KCNK3: variants seen among roughly 807,000 people sequenced by gnomAD.
KCNK3 encodes potassium channel subfamily K member 3.
A neutral mutation model predicts 27.3 loss-of-function variants in KCNK3; 9 were observed. That is an observed-to-expected ratio of 0.33 (90% CI 0.20 to 0.57). The LOEUF (loss-of-function observed/expected upper bound fraction) is 0.57, where lower values mean the gene tolerates loss of function less well. KCNK3 is among the 20% of genes least tolerant of loss of function. KCNK3 has a pLI of 0.87. For missense variants in KCNK3, 391 were observed against 577.7 expected, an observed-to-expected ratio of 0.68 and a Z score of 3.31; for synonymous variants, 278 against 273.8, an observed-to-expected ratio of 1.02 and a Z score of -0.15.
intron 1 of KCNK3, among the ~76,000 whole-genome samples, chr2:26,704,469 G>T (rs950272550): frequency 1.3e-5 from 2 of 152,194 alleles, no homozygotes; most frequent in African/African-American, 4.8e-5. Flanking sequence ...CCCTCATCAG[G>T]AATGCACAGG....
In KCNK3 at chr2:26,693,714, A is replaced by T. The variant is rs1425337867; in HGVS notation, c.283+556A>T. Among the ~76,000 whole-genome samples the T allele has an allele frequency of 6.6e-6, 1 of 152,182 alleles. No homozygotes were observed. The highest frequency in any genetic ancestry group is 2.4e-5 in the African/African-American group (1 of 41,442). The stretch of plus-strand genomic sequence containing the variant: ...CAGCTCCAGGAGTTTGGTCGCCACC[A>T]GTCAGTGCCTGTGATTTTCTCAGAG... On this transcript the variant is annotated intron_variant, in intron 1 of 1. Coordinates refer to ENST00000302909, the MANE Select transcript of KCNK3 (RefSeq NM_002246.3). This position sits in a 1 kb window ranked among gnomAD's most constrained non-coding sequence, Gnocchi z 5.5.
At chr2:26,716,043 G>A (rs1663224791) in intron 1 of KCNK3, among the ~76,000 whole-genome samples, 1 of 152,202 alleles carries the variant, frequency 6.6e-6, no homozygotes, top group Non-Finnish European at 1.5e-5. Context: ...AAGCGCTCGA[G>A]GCCCAGAGAG....
chr2:26,693,468 G>A lies in KCNK3; in HGVS notation c.283+310G>A, dbSNP rs528619264. ...GGGCAGGGACGACCGGCGGAGGCTCGGGCAGGAGGGGTGTGGCCGGGCCAG... is the reference window on the plus strand; with the variant it reads ...GGGCAGGGACGACCGGCGGAGGCTCAGGCAGGAGGGGTGTGGCCGGGCCAG... On this transcript the variant is annotated intron_variant, in intron 1 of 1. Coordinates refer to ENST00000302909, the MANE Select transcript of KCNK3 (RefSeq NM_002246.3). The surrounding 1 kb of genome is among the most constrained non-coding windows in gnomAD (Gnocchi z 5.5). Among the ~76,000 whole-genome samples, 26 of 152,348 alleles carry A rather than the reference G, an allele frequency of 1.7e-4. No homozygotes were observed. The East Asian group carries it at 4.8e-3, about 28-fold the overall frequency.
chr2:26,698,817 T>C (rs1670266956), intron 1 of KCNK3, among the ~76,000 whole-genome samples: 1 of 152,110 alleles, frequency 6.6e-6, no homozygotes. Flanking sequence ...AGCAAGGGGC[T>C]GGGCGTGGTG....
In KCNK3 at chr2:26,721,442, C is replaced by T. The variant is rs536904865; in HGVS notation, c.284-6225C>T. ...CTGGGCACAGAAGCTAGGCTCCTTC[C>T]GCCTCATCTCCTTTAACATGCCAAT... On this transcript the variant is annotated intron_variant, in intron 1 of 1. Coordinates refer to ENST00000302909, the MANE Select transcript of KCNK3 (RefSeq NM_002246.3). The surrounding 1 kb of genome is among the most constrained non-coding windows in gnomAD (Gnocchi z 4.3). Among the ~76,000 whole-genome samples, 13 of 152,252 alleles carry T rather than the reference C, an allele frequency of 8.5e-5. No homozygotes were observed. Among genetic ancestry groups the T allele is most frequent in the Admixed American group, 6.5e-4 (10 of 15,294 alleles).
chr2:26,706,326 T>G (rs915164278), intron 1 of KCNK3, among the ~76,000 whole-genome samples: 1 of 152,070 alleles, frequency 6.6e-6, no homozygotes, highest in Non-Finnish European at 1.5e-5. Context: ...AGGGCCTCAG[T>G]AGGGGTCCTG....
In KCNK3 at chr2:26,730,202, T is replaced by G. The variant is rs1341678413; in HGVS notation, c.*1634T>G. ...ATCTGGGGCTCTAGGAATTTGGGAA[T>G]TGGGCAGAGTGGCCAAGAAAGCTGG... On this transcript the variant is annotated 3_prime_UTR_variant, in exon 2 of 2. Transcript: ENST00000302909. The G allele has an allele frequency of 6.6e-6, 1 of 152,408 alleles. No homozygotes were observed. Among genetic ancestry groups the G allele is most frequent in the African/African-American group, 2.4e-5 (1 of 41,444 alleles). The allele number at this position is 152,408 out of a possible 1,614,324, so 9.4% of individuals were successfully genotyped here.
chr2:26,724,701 G>T, intron 1 of KCNK3: 1 of 759,128 alleles, frequency 1.3e-6, no homozygotes, highest in Non-Finnish European at 1.6e-6. Context: ...ATGAGGTGCT[G>T]CCTGGGATAA....
At chr2:26,725,286 C>T (rs10865438) in intron 1 of KCNK3, among the ~76,000 whole-genome samples, 3,994 of 152,268 alleles carry the variant, frequency 0.026, 76 homozygotes, top group Non-Finnish European at 0.04. Context: ...AGAGCTCTAA[C>T]GCCCAGTCTC....
rs1334466981 is a variant in KCNK3 at position 26,693,124 on chromosome 2, C to T, written c.249C>T (p.Ser83=). Residue 83 remains serine, a synonymous_variant, in exon 1 of 2, where the codon TCC becomes TCT. Coordinates refer to ENST00000302909, the MANE Select transcript of KCNK3 (RefSeq NM_002246.3). The surrounding 1 kb of genome is among the most constrained non-coding windows in gnomAD (Gnocchi z 5.5). ...GCGTGCAGTGGCGCTTCGCCGGCTC[C>T]TTCTACTTCGCCATCACCGTCATCA... ...KAGVQWRFAG[S]FYFAITVITT... 6.3e-7 allele frequency: 1 copy of T among 1,577,980 alleles called. No homozygotes were observed. Among genetic ancestry groups the T allele is most frequent in the Non-Finnish European group, 8.6e-7 (1 of 1,160,464 alleles).
rs1663565896 is a variant in KCNK3 at position 26,732,846 on chromosome 2, GC to G, written c.*4281del. ...GCAGGACATAAATGTGATGACACTT[GC>G]CCTCCTTTCTTTATCGCCTGGGACA... On this transcript the variant is annotated 3_prime_UTR_variant, in exon 2 of 2. Coordinates refer to ENST00000302909, the MANE Select transcript of KCNK3 (RefSeq NM_002246.3). 6.6e-6 allele frequency: 1 copy of G among 152,290 alleles called. No homozygotes were observed. The highest frequency in any genetic ancestry group is 1.5e-5 in the Non-Finnish European group (1 of 68,076). The allele number at this position is 152,290 out of a possible 1,614,324, so 9.4% of individuals were successfully genotyped here. A position where few individuals can be genotyped will look rare whatever the true frequency, so the allele number is the denominator to read the frequency against.
intron 1 of KCNK3, among the ~76,000 whole-genome samples, chr2:26,708,677 T>G (rs1310952343): frequency 6.6e-6 from 1 of 152,044 alleles, no homozygotes; most frequent in South Asian, 2.1e-4. Flanking sequence ...AAAAACTCCA[T>G]CTCAAAAATA....
Position 26,692,842 on chromosome 2 carries a change from G to A in KCNK3, c.-34G>A, listed in dbSNP as rs1467178879. ...GCCGGGGCCGAGGCGCGGGCCGGGGGCGCCGGGGGGCCGGCGGCGGCCCGG... is the reference window on the plus strand; with the variant it reads ...GCCGGGGCCGAGGCGCGGGCCGGGGACGCCGGGGGGCCGGCGGCGGCCCGG... On this transcript the variant is annotated 5_prime_UTR_variant, in exon 1 of 2. Coordinates refer to ENST00000302909, the MANE Select transcript of KCNK3 (RefSeq NM_002246.3). The surrounding 1 kb of genome is among the most constrained non-coding windows in gnomAD (Gnocchi z 5.6). 8.5e-7 allele frequency: 1 copy of A among 1,172,554 alleles called. No homozygotes were observed. Among genetic ancestry groups the A allele is most frequent in the Non-Finnish European group, 1.1e-6 (1 of 947,942 alleles). The allele number at this position is 1,172,554 out of a possible 1,614,324, so 72.6% of individuals were successfully genotyped here. A position where few individuals can be genotyped will look rare whatever the true frequency, so the allele number is the denominator to read the frequency against.
intron 1 of KCNK3, among the ~76,000 whole-genome samples, chr2:26,707,138 A>G (rs544014063): frequency 6.6e-6 from 1 of 152,206 alleles, no homozygotes; most frequent in Non-Finnish European, 1.5e-5. Context: ...TGCTGGAAAG[A>G]GAGCATTCTT....
Position 26,728,054 on chromosome 2 carries a change from G to A in KCNK3, c.671G>A (p.Ser224Asn), listed in dbSNP as rs1663457399. 6.2e-7 allele frequency: 1 copy of A among 1,614,052 alleles called. No homozygotes were observed. The highest frequency in any genetic ancestry group is 1.3e-5 in the African/African-American group (1 of 74,944). The change falls in exon 2 of 2, where the codon AGC (serine) becomes AAC (asparagine). Residue 224 changes from serine to asparagine, a missense_variant. Physicochemically the swap from Ser to Asn is conservative, Grantham distance 46 (BLOSUM62 1). Around this residue, in one of 4 missense-constraint regions of KCNK3, gnomAD observed 38 missense variants for 80.5 expected, o/e 0.47. Transcript: ENST00000302909. ...ACGCAGCCGCAGTACGTGGCCTTCAGCTTCGTCTACATCCTTACGGGCCTC... is the reference window on the plus strand; with the variant it reads ...ACGCAGCCGCAGTACGTGGCCTTCAACTTCGTCTACATCCTTACGGGCCTC... ...LQTQPQYVAFSFVYILTGLTV... is the reference protein window; with the variant it reads ...LQTQPQYVAFNFVYILTGLTV...
At position 26,728,795 on chromosome 2, in the gene KCNK3, T is replaced by A. The variant is rs1027933008; in HGVS notation, c.*227T>A. ...TCGGAGCCCTGCAAATTCCGAGAAA[T>A]GTGAAACTTGGTGGGGTCAGGGAGG... On this transcript the variant is annotated 3_prime_UTR_variant, in exon 2 of 2. Transcript: ENST00000302909. 2.7e-5 allele frequency: 11 copies of A among 403,622 alleles called. No individual in the cohort carries two copies. In the Admixed American group the frequency reaches 4.3e-4, roughly 16 times the overall value. 25.0% of individuals were successfully genotyped at this position (403,622 alleles called of 1,614,324 possible). A position where few individuals can be genotyped will look rare whatever the true frequency, so the allele number is the denominator to read the frequency against.
Position 26,728,288 on chromosome 2 carries a change from A to G in KCNK3, c.905A>G (p.Glu302Gly). Residue 302 changes from glutamate (E) to glycine (G), a missense_variant, in exon 2 of 2, where the codon GAG (glutamate) becomes GGG (glycine). Physicochemically the swap from Glu to Gly is moderately conservative, Grantham distance 98. Around this residue, in one of 4 missense-constraint regions of KCNK3, gnomAD observed 192 missense variants for 196.0 expected, o/e 0.98. Transcript: ENST00000302909. ...GGCGGCTTCCGCAACGTCTACGCGGAGGTGCTGCACTTCCAGTCCATGTGC... is the reference window on the plus strand; with the variant it reads ...GGCGGCTTCCGCAACGTCTACGCGGGGGTGCTGCACTTCCAGTCCATGTGC... The part of the protein sequence containing the change: ...GGGGFRNVYA[E>G]VLHFQSMCSC... The G allele has an allele frequency of 6.3e-7, 1 of 1,597,394 alleles. No individual in the cohort carries two copies. The highest frequency in any genetic ancestry group is 8.5e-7 in the Non-Finnish European group (1 of 1,172,278).
At chr2:26,727,237 G>A (rs867525741) in intron 1 of KCNK3, among the ~76,000 whole-genome samples, 45 of 152,168 alleles carry the variant, frequency 3.0e-4, no homozygotes, top group South Asian at 1.0e-3. Context: ...GACCACGCCC[G>A]CAGCCCAGGA....
intron 1 of KCNK3, among the ~76,000 whole-genome samples, chr2:26,694,564 T>TTGGAAGAGGG (rs754736241): frequency 1.1e-4 from 16 of 152,198 alleles, no homozygotes; most frequent in Admixed American, 2.0e-4. Flanking sequence ...GATTCTTCTC[T>TTGGAAGAGGG]TGGAAGAGGG....
Sources: gnomAD v4.1 joint callset for allele counts (sites outside exome capture counted in the v4.1 genomes callset) on GRCh38, gnomAD v4.1.1 for gene constraint, gnomAD v4.1.1 regional missense constraint, Gnocchi (gnomAD v3.1) non-coding constraint, MANE v1.5 for transcripts, NCBI Gene and HGNC (gene_info 2026-07-23, HGNC 2026-07-21) for gene names.